Variants in DLG2 observed in about 807,000 individuals in gnomAD.
DLG2 encodes disks large homolog 2.
In DLG2, 45 loss-of-function variants were observed where a neutral mutation model predicts 132.5. That is an observed-to-expected ratio of 0.34 (90% CI 0.27 to 0.44). DLG2 has a LOEUF of 0.44. Among genes scored for constraint, DLG2 ranks in the 20% least tolerant of loss-of-function variants. The pLI is 1.00. For synonymous variants in DLG2, 424 were observed against 419.6 expected, an observed-to-expected ratio of 1.01 and a Z score of -0.13; for missense variants, 1,045 against 1,196.9, an observed-to-expected ratio of 0.87 and a Z score of 1.87.
chr11:85,376,494 A>G (rs1175985285), intron 3 of DLG2, among the ~76,000 whole-genome samples: 2 of 152,160 alleles, frequency 1.3e-5, no homozygotes, highest in Non-Finnish European at 2.9e-5. Flanking sequence ...CTCATTTACT[A>G]TATCACTCTA....
chr11:84,667,375 A>C (rs1172613863), intron 6 of DLG2, among the ~76,000 whole-genome samples: 2 of 152,126 alleles, frequency 1.3e-5, no homozygotes. Flanking sequence ...AAATACACTA[A>C]AGGTAAAATA....
At chr11:85,250,595 G>A (rs1162121393) in intron 4 of DLG2, among the ~76,000 whole-genome samples, 1 of 152,016 alleles carries the variant, frequency 6.6e-6, no homozygotes, top group Non-Finnish European at 1.5e-5. Flanking sequence ...CCTCATAATT[G>A]TATGTAGCTT....
At chr11:84,651,299 A>G (rs911989686) in intron 6 of DLG2, among the ~76,000 whole-genome samples, 1 of 152,102 alleles carries the variant, frequency 6.6e-6, no homozygotes, top group Non-Finnish European at 1.5e-5. Context: ...TGTTCCAACT[A>G]TAAGAGTTAA....
intron 3 of DLG2, among the ~76,000 whole-genome samples, chr11:85,295,608 A>G (rs1007589770): frequency 8.5e-5 from 13 of 152,186 alleles, no homozygotes; most frequent in African/African-American, 3.1e-4. Context: ...TTAATGCAAC[A>G]TGCTGCAACA....
chr11:83,853,235 T>C (rs920898306), intron 16 of DLG2, among the ~76,000 whole-genome samples: 1 of 152,160 alleles, frequency 6.6e-6, no homozygotes, highest in Admixed American at 6.5e-5. Flanking sequence ...CTGCCAGCAG[T>C]TGGCTTCCTC....
intron 4 of DLG2, among the ~76,000 whole-genome samples, chr11:85,200,184 T>G (rs967845124): frequency 6.6e-6 from 1 of 152,104 alleles, no homozygotes; most frequent in Non-Finnish European, 1.5e-5. Context: ...GATTCAACAA[T>G]TGTGCTCCAG....
At chr11:83,719,226 G>A (rs907750471) in intron 18 of DLG2, among the ~76,000 whole-genome samples, 2 of 152,160 alleles carry the variant, frequency 1.3e-5, no homozygotes, top group Non-Finnish European at 2.9e-5. Context: ...AGTGTTAGAG[G>A]ACTGAGAAGC....
At chr11:83,480,512 G>T in intron 22 of DLG2, 1 of 1,499,456 alleles carries the variant, frequency 6.7e-7, no homozygotes, top group Non-Finnish European at 9.0e-7. Flanking sequence ...AAATGTGAGC[G>T]AAAGGCAAGT....
intron 6 of DLG2, among the ~76,000 whole-genome samples, chr11:85,015,701 A>G (rs1405009526): frequency 6.6e-6 from 1 of 152,178 alleles, no homozygotes; most frequent in Non-Finnish European, 1.5e-5. Flanking sequence ...AAAGCTCATC[A>G]TACCGTGCCT....
chr11:84,913,285 C>T (rs2092238564), intron 6 of DLG2, among the ~76,000 whole-genome samples: 1 of 152,134 alleles, frequency 6.6e-6, no homozygotes, highest in Non-Finnish European at 1.5e-5. Context: ...GCTAGAGAAA[C>T]TTTTGCATGA....
chr11:85,210,397 G>A (rs766403689), intron 4 of DLG2, among the ~76,000 whole-genome samples: 4 of 151,998 alleles, frequency 2.6e-5, no homozygotes, highest in East Asian at 3.9e-4. Flanking sequence ...CTTCTGCCTC[G>A]GATCTCCTTT....
At chr11:83,632,228 A>T (rs1400196658) in intron 19 of DLG2, 1 of 152,242 alleles carries the variant, frequency 6.6e-6, no homozygotes, top group African/African-American at 2.4e-5. Flanking sequence ...CTTTAGAGCC[A>T]AAGTGGAACC....
At chr11:84,321,595 G>C (rs1000894426) in intron 7 of DLG2, among the ~76,000 whole-genome samples, 1 of 152,230 alleles carries the variant, frequency 6.6e-6, no homozygotes, top group African/African-American at 2.4e-5. Flanking sequence ...GGCCATGGAG[G>C]ATGTTCTTTT....
At chr11:83,687,901 C>T (rs963175248) in intron 18 of DLG2, among the ~76,000 whole-genome samples, 2 of 151,862 alleles carry the variant, frequency 1.3e-5, no homozygotes. Flanking sequence ...ACTCAGCAGG[C>T]TGAGGGAGGA....
At chr11:84,153,919 T>A (rs2095365777) in intron 9 of DLG2, among the ~76,000 whole-genome samples, 1 of 152,168 alleles carries the variant, frequency 6.6e-6, no homozygotes, top group African/African-American at 2.4e-5. Context: ...ATTGCCAGAG[T>A]TTATGCACTG....
intron 7 of DLG2, among the ~76,000 whole-genome samples, chr11:84,485,547 T>G (rs1199742235): frequency 6.6e-6 from 1 of 152,176 alleles, no homozygotes; most frequent in Non-Finnish European, 1.5e-5. Context: ...ATAATATTTC[T>G]GCTTTAAGAC....
intron 3 of DLG2, among the ~76,000 whole-genome samples, chr11:85,354,384 T>C (rs2083529283): frequency 6.6e-6 from 1 of 152,094 alleles, no homozygotes; most frequent in Admixed American, 6.6e-5. Flanking sequence ...AACTCAGATA[T>C]ACGACAGTCA....
intron 18 of DLG2, among the ~76,000 whole-genome samples, chr11:83,714,673 T>C (rs1206421667): frequency 6.6e-6 from 1 of 152,238 alleles, no homozygotes; most frequent in Non-Finnish European, 1.5e-5. Context: ...ACAGCTATCA[T>C]TACAGGAGCC....
At chr11:85,175,649 A>C (rs117112124) in intron 4 of DLG2, among the ~76,000 whole-genome samples, 2,956 of 152,262 alleles carry the variant, frequency 0.019, 56 homozygotes, top group Admixed American at 0.037. Context: ...AGAATAATCA[A>C]ATAGGAAGAG....
Sources: gnomAD v4.1 joint callset for allele counts (sites outside exome capture counted in the v4.1 genomes callset) on GRCh38, gnomAD v4.1.1 for gene constraint, MANE v1.5 for transcripts, NCBI Gene and HGNC (gene_info 2026-07-23, HGNC 2026-07-21) for gene names.